BRD10: variants seen among roughly 807,000 people sequenced by gnomAD.
BRD10 encodes the protein bromodomain containing 10.
chr9:5,893,332 C>A, the BRD10 span, among the ~76,000 whole-genome samples: 1 of 152,128 alleles, frequency 6.6e-6, no homozygotes, highest in African/African-American at 2.4e-5. Context: ...CTGCGTGGGA[C>A]TCTAACAGGA....
chr9:5,964,628 T>A, the BRD10 span, among the ~76,000 whole-genome samples: 18 of 141,788 alleles, frequency 1.3e-4, no homozygotes, highest in African/African-American at 3.5e-4. Context: ...GCGGCATTAT[T>A]CACAATAGCA....
At chr9:5,971,280 C>T in the BRD10 span, among the ~76,000 whole-genome samples, 2 of 152,058 alleles carry the variant, frequency 1.3e-5, no homozygotes, top group African/African-American at 4.8e-5. Flanking sequence ...TTGGTGAAAA[C>T]GTGAAGAAAC....
chr9:5,963,761 A>C, the BRD10 span, among the ~76,000 whole-genome samples: 2 of 152,240 alleles, frequency 1.3e-5, no homozygotes, highest in Admixed American at 6.5e-5. Flanking sequence ...CATACCTACA[A>C]CTATATGATC....
chr9:6,002,908 C>T, the BRD10 span, among the ~76,000 whole-genome samples: 3 of 152,082 alleles, frequency 2.0e-5, no homozygotes, highest in African/African-American at 7.2e-5. Context: ...TAGTCTCAAA[C>T]TCTGGGCCTC....
chr9:5,899,323 AG>A, the BRD10 span: 1 of 152,198 alleles, frequency 6.6e-6, no homozygotes. Context: ...GGAGAAGGTG[AG>A]AGATACAACT....
the BRD10 span, chr9:5,890,985 T>C: frequency 6.6e-6 from 1 of 152,114 alleles, no homozygotes; most frequent in African/African-American, 2.4e-5. Context: ...TCTCCCAGAA[T>C]AGGATTTGGG....
At chr9:5,901,943 C>T in the BRD10 span, among the ~76,000 whole-genome samples, 1 of 152,104 alleles carries the variant, frequency 6.6e-6, no homozygotes, top group East Asian at 1.9e-4. Flanking sequence ...TTTTTTGCAT[C>T]TGTATTCATG....
the BRD10 span, among the ~76,000 whole-genome samples, chr9:5,980,213 T>C: frequency 6.6e-6 from 1 of 152,112 alleles, no homozygotes; most frequent in South Asian, 2.1e-4. Context: ...TTCACTCAAT[T>C]TTCTCAGACT....
the BRD10 span, among the ~76,000 whole-genome samples, chr9:5,896,411 A>G: frequency 1.3e-5 from 2 of 152,306 alleles, no homozygotes; most frequent in East Asian, 3.9e-4. Context: ...GTTTCCATCT[A>G]GCACTGTCAT....
At chr9:5,925,443 A>G in the BRD10 span, among the ~76,000 whole-genome samples, 861 of 152,166 alleles carry the variant, frequency 5.7e-3, 9 homozygotes, top group African/African-American at 0.02. Flanking sequence ...CCATCTGATC[A>G]TCTTTATAAA....
At chr9:5,955,863 G>C in the BRD10 span, among the ~76,000 whole-genome samples, 9 of 152,146 alleles carry the variant, frequency 5.9e-5, no homozygotes, top group Non-Finnish European at 1.2e-4. Flanking sequence ...AGGGAGAAGT[G>C]ATTAAATTCT....
chr9:5,932,187 T>C, the BRD10 span, among the ~76,000 whole-genome samples: 1 of 152,172 alleles, frequency 6.6e-6, no homozygotes, highest in Admixed American at 6.5e-5. Flanking sequence ...TATTGAACTT[T>C]AAATTAGGTC....
At chr9:5,906,853 C>A in the BRD10 span, 1 of 1,371,304 alleles carries the variant, frequency 7.3e-7, no homozygotes, top group East Asian at 2.6e-5. Flanking sequence ...TACTTCTTCT[C>A]ACCCACTCAC....
chr9:6,004,082 G>T, the BRD10 span, among the ~76,000 whole-genome samples: 1 of 152,138 alleles, frequency 6.6e-6, no homozygotes, highest in African/African-American at 2.4e-5. Flanking sequence ...AAGTTCAGTA[G>T]TAATATTCAA....
chr9:5,923,075 A>G, the BRD10 span: 2 of 1,613,968 alleles, frequency 1.2e-6, no homozygotes, highest in Admixed American at 3.3e-5. Flanking sequence ...TGATTCACTG[A>G]AACAGTCAAT....
chr9:5,913,613 T>G, the BRD10 span, among the ~76,000 whole-genome samples: 97,131 of 152,092 alleles, frequency 0.64, 32,905 homozygotes, highest in Non-Finnish European at 0.78. Context: ...TAAAATCTCT[T>G]AAATCATATG....
the BRD10 span, among the ~76,000 whole-genome samples, chr9:5,901,719 A>C: frequency 6.6e-6 from 1 of 151,064 alleles, no homozygotes; most frequent in Non-Finnish European, 1.5e-5. Context: ...ATGGGGTTTC[A>C]CCATGTTGCC....
the BRD10 span, among the ~76,000 whole-genome samples, chr9:5,894,573 G>T: frequency 6.6e-6 from 1 of 152,196 alleles, no homozygotes; most frequent in African/African-American, 2.4e-5. This position sits in a 1 kb window ranked among gnomAD's most constrained non-coding sequence, Gnocchi z 4.0. Flanking sequence ...TGAGGGGCAT[G>T]AATCAAATAC....
chr9:5,935,888 G>C, the BRD10 span, among the ~76,000 whole-genome samples: 1 of 152,080 alleles, frequency 6.6e-6, no homozygotes, highest in Non-Finnish European at 1.5e-5. Context: ...GATACAAAAG[G>C]TTATTTAAAA....
Sources: allele counts gnomAD v4.1 joint callset (sites outside exome capture counted in the v4.1 genomes callset), GRCh38; gene constraint gnomAD v4.1.1; non-coding constraint Gnocchi (gnomAD v3.1); transcripts MANE v1.5; gene names NCBI Gene and HGNC (gene_info 2026-07-23, HGNC 2026-07-21).